The following CACNA2D3 variants were observed in gnomAD, a reference collection of about 807,000 sequenced individuals.
CACNA2D3 encodes the protein voltage-dependent calcium channel subunit alpha-2/delta-3.
In CACNA2D3, 60 loss-of-function variants were observed where a neutral mutation model predicts 160.6. The ratio of observed to expected loss-of-function variants is 0.37; its 90% CI spans 0.30 to 0.46. CACNA2D3 has a LOEUF of 0.46. Among genes scored for constraint, CACNA2D3 ranks in the 20% least tolerant of loss-of-function variants. The pLI, the probability that CACNA2D3 is intolerant of heterozygous loss-of-function variation, is 1.00. For synonymous variants in CACNA2D3, 558 were observed against 492.9 expected (o/e 1.13, Z -1.75); for missense variants, 1,205 against 1,365.0 (o/e 0.88, Z 1.85).
intron 3 of CACNA2D3, among the ~76,000 whole-genome samples, chr3:54,342,963 A>G (rs7618327): frequency 0.093 from 14,094 of 152,206 alleles, 807 homozygotes; most frequent in East Asian, 0.18. Context: ...CAGAGTTTGC[A>G]CGTTTGTGCC....
At chr3:54,348,630 G>T (rs772995643) in intron 3 of CACNA2D3, among the ~76,000 whole-genome samples, 1 of 152,086 alleles carries the variant, frequency 6.6e-6, no homozygotes, top group Non-Finnish European at 1.5e-5. Flanking sequence ...CTTATTCTGG[G>T]GATTATTGCA....
chr3:54,249,007 C>G (rs1016139317), intron 2 of CACNA2D3, among the ~76,000 whole-genome samples: 1 of 152,190 alleles, frequency 6.6e-6, no homozygotes. Flanking sequence ...TTTCCTCCCT[C>G]TGTTATCCTC....
intron 3 of CACNA2D3, among the ~76,000 whole-genome samples, chr3:54,328,559 GGCATGA>G (rs1312925229): frequency 2.0e-5 from 3 of 152,214 alleles, no homozygotes; most frequent in Non-Finnish European, 4.4e-5. Context: ...TGGGATTACA[GGCATGA>G]GCCACCACGC....
At chr3:54,201,778 G>A (rs1057481774) in intron 2 of CACNA2D3, among the ~76,000 whole-genome samples, 11 of 152,226 alleles carry the variant, frequency 7.2e-5, no homozygotes, top group Middle Eastern at 3.4e-3. Context: ...CAGAGAAATC[G>A]TTTCATTCTT....
intron 3 of CACNA2D3, among the ~76,000 whole-genome samples, chr3:54,348,487 A>G (rs1698496628): frequency 2.6e-5 from 4 of 152,238 alleles, no homozygotes. Flanking sequence ...GTTTCAAGTT[A>G]GAAAATGCAT....
chr3:54,225,545 T>C (rs1317767610), intron 2 of CACNA2D3, among the ~76,000 whole-genome samples: 1 of 152,248 alleles, frequency 6.6e-6, no homozygotes, highest in Admixed American at 6.5e-5. Context: ...ACTTATCTTT[T>C]AATGCACTGA....
At chr3:54,123,986 T>G (rs1395834336) in intron 2 of CACNA2D3, among the ~76,000 whole-genome samples, 1 of 152,218 alleles carries the variant, frequency 6.6e-6, no homozygotes, top group Non-Finnish European at 1.5e-5. Context: ...CACCTTGCGT[T>G]GGAGGCGTGG....
intron 9 of CACNA2D3, among the ~76,000 whole-genome samples, chr3:54,598,463 T>C (rs1303859689): frequency 6.6e-6 from 1 of 152,060 alleles, no homozygotes; most frequent in African/African-American, 2.4e-5. Flanking sequence ...TCTTAACAAA[T>C]GTAATTATTT....
intron 11 of CACNA2D3, among the ~76,000 whole-genome samples, chr3:54,664,827 A>G (rs1479435659): frequency 6.6e-6 from 1 of 152,130 alleles, no homozygotes; most frequent in East Asian, 1.9e-4. Context: ...GCATGGGGCA[A>G]ACCCGTGGCT....
chr3:54,271,892 C>T (rs940594578), intron 2 of CACNA2D3, among the ~76,000 whole-genome samples: 5 of 152,248 alleles, frequency 3.3e-5, no homozygotes, highest in African/African-American at 1.2e-4. Flanking sequence ...ACTCCAAAAG[C>T]TCTGTGGAAA....
At chr3:54,309,272 A>G (rs900913355) in intron 2 of CACNA2D3, among the ~76,000 whole-genome samples, 6 of 152,238 alleles carry the variant, frequency 3.9e-5, no homozygotes, top group African/African-American at 9.6e-5. Context: ...GGTTGTATCA[A>G]TAGCTGGTAT....
intron 3 of CACNA2D3, among the ~76,000 whole-genome samples, chr3:54,327,312 A>G (rs935541162): frequency 7.5e-4 from 114 of 152,340 alleles, no homozygotes; most frequent in African/African-American, 2.6e-3. Context: ...CCACTGGATG[A>G]CTTGTATGTG....
At chr3:55,005,458 G>A (rs1235174336) in intron 32 of CACNA2D3, among the ~76,000 whole-genome samples, 1 of 152,134 alleles carries the variant, frequency 6.6e-6, no homozygotes, top group Admixed American at 6.6e-5. Flanking sequence ...GTATATAAAA[G>A]AACTTGGTTT....
rs923171734 is a variant in CACNA2D3, at chr3:54,581,733, C to T, written c.889-70C>T. On this transcript the variant is annotated intron_variant, in intron 8 of 37. Transcript: ENST00000474759. The stretch of plus-strand genomic sequence containing the variant: ...CGCTTTTTTGTTTGTGTGCGTACCT[C>T]CTTAAATTATTAAGAAGTACCCTTC... The T allele has an allele frequency of 5.5e-6, 7 of 1,278,504 alleles. No individual in the cohort carries two copies. In the African/African-American group the frequency reaches 1.0e-4, roughly 19 times the overall value. The allele number at this position is 1,278,504 out of a possible 1,614,324, so 79.2% of individuals were successfully genotyped here. A position where few individuals can be genotyped will look rare whatever the true frequency, so the allele number is the denominator to read the frequency against.
intron 13 of CACNA2D3, chr3:54,789,858 A>T (rs1702714408): frequency 1.9e-6 from 1 of 517,760 alleles, no homozygotes; most frequent in Non-Finnish European, 3.9e-6. Flanking sequence ...AGGGATCTCC[A>T]GGTCAGGCCG....
At chr3:54,477,270 G>A (rs1700846425) in intron 4 of CACNA2D3, among the ~76,000 whole-genome samples, 1 of 151,706 alleles carries the variant, frequency 6.6e-6, no homozygotes, top group Non-Finnish European at 1.5e-5. Context: ...GGGTAAATGA[G>A]GCCCATAATG....
intron 4 of CACNA2D3, among the ~76,000 whole-genome samples, chr3:54,402,449 A>G (rs1481864819): frequency 6.6e-6 from 1 of 152,204 alleles, no homozygotes. Context: ...AAGATATTGC[A>G]TGCAAATGGC....
chr3:54,179,806 A>G (rs1700747923), intron 2 of CACNA2D3, among the ~76,000 whole-genome samples: 1 of 152,198 alleles, frequency 6.6e-6, no homozygotes, highest in South Asian at 2.1e-4. Flanking sequence ...AGCCCTCACC[A>G]GGAACAGAAT....
intron 13 of CACNA2D3, among the ~76,000 whole-genome samples, chr3:54,805,625 A>C (rs1703101326): frequency 6.6e-6 from 1 of 152,230 alleles, no homozygotes. Flanking sequence ...CCAGAGGTAC[A>C]AAGAGGAATT....
Sources: gnomAD v4.1 joint callset for allele counts (sites outside exome capture counted in the v4.1 genomes callset) on GRCh38, gnomAD v4.1.1 for gene constraint, MANE v1.5 for transcripts, NCBI Gene and HGNC (gene_info 2026-07-23, HGNC 2026-07-21) for gene names.